MYO16: variants seen among roughly 807,000 people sequenced by gnomAD.
The protein encoded by MYO16 is unconventional myosin-XVI.
In MYO16, 94 loss-of-function variants were observed where a neutral mutation model predicts 205.3. That is an observed-to-expected ratio of 0.46 (90% CI 0.39 to 0.54). The LOEUF is 0.54. MYO16 is among the 20% of genes least tolerant of loss of function. MYO16 has a pLI of 0.00. For missense variants in MYO16, 2,315 were observed against 2,387.5 expected, an observed-to-expected ratio of 0.97 and a Z score of 0.63; for synonymous variants, 988 against 954.0, an observed-to-expected ratio of 1.04 and a Z score of -0.66.
At chr13:109,157,819 G>A (rs1878146839) in intron 32 of MYO16, among the ~76,000 whole-genome samples, 1 of 152,198 alleles carries the variant, frequency 6.6e-6, no homozygotes, top group Non-Finnish European at 1.5e-5. Context: ...TGATGCGTCA[G>A]ATTCTTCATT....
intron 1 of MYO16, among the ~76,000 whole-genome samples, chr13:108,634,515 C>T (rs1880135682): frequency 6.6e-6 from 1 of 152,178 alleles, no homozygotes; most frequent in African/African-American, 2.4e-5. Flanking sequence ...GGGCCACCAC[C>T]CCATTTCCTT....
chr13:108,863,329 T>C (rs1219927466), intron 11 of MYO16, among the ~76,000 whole-genome samples: 4 of 152,134 alleles, frequency 2.6e-5, no homozygotes, highest in Admixed American at 1.3e-4. Context: ...AGCTATGCCA[T>C]AGGTATCATT....
chr13:109,069,412 G>T (rs114580552), intron 27 of MYO16, among the ~76,000 whole-genome samples: 2,644 of 152,252 alleles, frequency 0.017, 68 homozygotes, highest in African/African-American at 0.06. Flanking sequence ...AGACACTTCA[G>T]CATTGTAGTC....
chr13:108,708,348 T>C (rs1451669099), intron 2 of MYO16, among the ~76,000 whole-genome samples: 3 of 152,260 alleles, frequency 2.0e-5, no homozygotes, highest in African/African-American at 7.2e-5. Flanking sequence ...TTCTCAGGCA[T>C]ACTTTTTTAG....
At chr13:108,639,680 G>A (rs766566186) in intron 1 of MYO16, among the ~76,000 whole-genome samples, 3 of 152,244 alleles carry the variant, frequency 2.0e-5, no homozygotes, top group Non-Finnish European at 4.4e-5. Context: ...AAAGATTTGT[G>A]TTAGAAAGAT....
chr13:108,574,040 A>T, the MYO16 span, among the ~76,000 whole-genome samples: 1 of 152,044 alleles, frequency 6.6e-6, no homozygotes, highest in Admixed American at 6.6e-5. Flanking sequence ...TTTTGTAAAG[A>T]TGGGGTCTCC....
intron 4 of MYO16, among the ~76,000 whole-genome samples, chr13:108,735,110 T>C (rs1884645687): frequency 1.3e-5 from 2 of 152,160 alleles, no homozygotes; most frequent in African/African-American, 4.8e-5. Flanking sequence ...TTATAAGTTC[T>C]TTTTATTTAT....
chr13:108,995,354 T>C (rs1884967556), intron 21 of MYO16, among the ~76,000 whole-genome samples: 1 of 152,210 alleles, frequency 6.6e-6, no homozygotes, highest in South Asian at 2.1e-4. Context: ...AGGCCCCACC[T>C]TCTAATCCCA....
intron 34 of MYO16, among the ~76,000 whole-genome samples, chr13:109,192,501 T>C (rs1879964518): frequency 6.6e-6 from 1 of 152,182 alleles, no homozygotes; most frequent in Non-Finnish European, 1.5e-5. Flanking sequence ...GCAGATGCTG[T>C]GCCTGCCAAA....
At chr13:108,705,965 A>G (rs1926530) in intron 2 of MYO16, among the ~76,000 whole-genome samples, 114,857 of 152,014 alleles carry the variant, frequency 0.76, 43,641 homozygotes, top group East Asian at 0.98. Context: ...ACAGGAAGGA[A>G]TACAGCCTAA....
At chr13:108,852,235 C>T (rs1031390290) in intron 10 of MYO16, among the ~76,000 whole-genome samples, 25 of 152,218 alleles carry the variant, frequency 1.6e-4, no homozygotes, top group African/African-American at 6.0e-4. Context: ...CCCAGCCCCC[C>T]AGTAGGGGAA....
intron 27 of MYO16, among the ~76,000 whole-genome samples, chr13:109,088,727 G>T (rs932573643): frequency 6.6e-6 from 1 of 152,220 alleles, no homozygotes. Flanking sequence ...GCTCGGCACC[G>T]CCACAGGCTG....
At chr13:108,916,927 T>A (rs1481820005) in intron 16 of MYO16, among the ~76,000 whole-genome samples, 4 of 152,144 alleles carry the variant, frequency 2.6e-5, no homozygotes, top group Non-Finnish European at 4.4e-5. Context: ...TAGTGTTAGA[T>A]TCCCAACTCT....
At chr13:108,694,482 A>G (rs1252377337) in intron 2 of MYO16, among the ~76,000 whole-genome samples, 1 of 151,092 alleles carries the variant, frequency 6.6e-6, no homozygotes, top group Non-Finnish European at 1.5e-5. Flanking sequence ...TAATCATCCC[A>G]TTTCCCAAGC....
At chr13:109,202,515 G>A (rs1394785676) in intron 34 of MYO16, among the ~76,000 whole-genome samples, 2 of 152,106 alleles carry the variant, frequency 1.3e-5, no homozygotes, top group African/African-American at 2.4e-5. Context: ...TTCGAGAAGT[G>A]TCTACTCAAG....
At chr13:108,607,039 C>A (rs147894443) in intron 1 of MYO16, among the ~76,000 whole-genome samples, 1 of 152,158 alleles carries the variant, frequency 6.6e-6, no homozygotes, top group Admixed American at 6.5e-5. Context: ...TTTGTTTTGG[C>A]CAACTTCTTC....
chr13:108,815,073 CAT>C (rs774738663), intron 7 of MYO16, among the ~76,000 whole-genome samples: 6 of 152,064 alleles, frequency 3.9e-5, no homozygotes, highest in Admixed American at 2.0e-4. Context: ...ACAAGCATAA[CAT>C]AGATAGTAAT....
At chr13:109,035,996 C>T (rs1886702999) in intron 23 of MYO16, among the ~76,000 whole-genome samples, 1 of 152,194 alleles carries the variant, frequency 6.6e-6, no homozygotes, top group Non-Finnish European at 1.5e-5. Context: ...ATCTGGAAAG[C>T]ACATTTTGAC....
rs112815062 is a variant in MYO16, at chr13:108,849,525, TTG to T, written c.1248+5058_1248+5059del. Among the ~76,000 whole-genome samples, 453 of 127,642 alleles carry T rather than the reference TTG, an allele frequency of 3.5e-3. 9 individuals are homozygous for T. The East Asian group carries it at 0.049, about 14-fold the overall frequency. 83.7% of individuals were successfully genotyped at this position (127,642 alleles called of 152,430 possible). A position where few individuals can be genotyped will look rare whatever the true frequency, so the allele number is the denominator to read the frequency against. On this transcript the variant is annotated intron_variant, in intron 10 of 34. Coordinates refer to ENST00000457511, the MANE Select transcript of MYO16 (RefSeq NM_001198950.3). ...TCTTTTTTTTTTTTAATTTCCTCCT[TTG>T]TGTGTGTGTGTGTGTGTGTGTGTGT...
Sources: allele counts gnomAD v4.1 joint callset (sites outside exome capture counted in the v4.1 genomes callset), GRCh38; gene constraint gnomAD v4.1.1; transcripts MANE v1.5; gene names NCBI Gene and HGNC (gene_info 2026-07-23, HGNC 2026-07-21).